The following THRAP3 variants were observed in gnomAD, a reference collection of about 807,000 sequenced individuals.
THRAP3 encodes thyroid hormone receptor-associated protein 3.
THRAP3 carries 16 observed loss-of-function variants against 101.0 expected under a neutral mutation model. The ratio of observed to expected loss-of-function variants is 0.16; its 90% confidence interval spans 0.11 to 0.24. THRAP3 has a LOEUF of 0.24. THRAP3 is among the 10% of genes least tolerant of loss of function. The pLI is 1.00. For missense variants in THRAP3, 989 were observed against 1,202.7 expected (o/e 0.82, Z 2.63); for synonymous variants, 407 against 422.6 (o/e 0.96, Z 0.45).
intron 1 of THRAP3, among the ~76,000 whole-genome samples, chr1:36,254,787 TAAAA>T (rs921995359): frequency 2.0e-5 from 3 of 151,974 alleles, no homozygotes; most frequent in Non-Finnish European, 2.9e-5. Context: ...ATTTTTTTGA[TAAAA>T]AAAAATTTTT....
In THRAP3 at chr1:36,304,299, G is replaced by A. The variant is rs1646068440; in HGVS notation, c.*282G>A. 6.4e-6 allele frequency: 2 copies of A among 311,576 alleles called. No homozygotes were observed. Among genetic ancestry groups the A allele is most frequent in the African/African-American group, 4.2e-5 (2 of 47,138 alleles). 19.3% of individuals were successfully genotyped at this position (311,576 alleles called of 1,614,324 possible). A position where few individuals can be genotyped will look rare whatever the true frequency, so the allele number is the denominator to read the frequency against. On this transcript the variant is annotated 3_prime_UTR_variant, in exon 12 of 12. Coordinates refer to ENST00000354618, the MANE Select transcript of THRAP3 (RefSeq NM_005119.4). ...TTTGTTGGTGTGTGGGGTGGGGGCA[G>A]GGGTAGGGCGGGAGAGCGATGCTTG...
At chr1:36,238,995 G>A (rs1295726843) in intron 1 of THRAP3, among the ~76,000 whole-genome samples, 2 of 149,064 alleles carry the variant, frequency 1.3e-5, no homozygotes, top group South Asian at 2.1e-4. Context: ...GTGCAGTGGC[G>A]CGATCTCGGC....
chr1:36,296,774 C>T lies in THRAP3; in HGVS notation c.2303+4C>T, dbSNP rs780738760. On this transcript the variant is annotated splice_donor_region_variant and intron_variant, in intron 9 of 11. Transcript: ENST00000354618. ...ATAAAGGATCAAAGAAACAGAAGTA[C>T]GTAAGCCCCTGTTACCCCTTCCAGA... 29 of 1,581,182 alleles carry T rather than the reference C, an allele frequency of 1.8e-5. No homozygotes were observed. Among genetic ancestry groups the T allele is most frequent in the Non-Finnish European group, 2.1e-5 (24 of 1,168,988 alleles).
At chr1:36,274,124 A>G (rs1645626660) in intron 2 of THRAP3, among the ~76,000 whole-genome samples, 1 of 151,726 alleles carries the variant, frequency 6.6e-6, no homozygotes, top group African/African-American at 2.4e-5. Flanking sequence ...AATGAGCTGT[A>G]TTTCTATACA....
intron 2 of THRAP3, among the ~76,000 whole-genome samples, chr1:36,260,160 TC>T (rs1205612573): frequency 6.6e-6 from 1 of 152,066 alleles, no homozygotes; most frequent in Non-Finnish European, 1.5e-5. Context: ...GAGAATCACT[TC>T]AATGCAGAAG....
At chr1:36,223,017 C>T (rs1644914600), upstream of THRAP3, among the ~76,000 whole-genome samples, 1 of 152,078 alleles carries the variant, frequency 6.6e-6, no homozygotes, top group South Asian at 2.1e-4. Context: ...AAATCAGCTA[C>T]TCAGGAGGCT....
intron 1 of THRAP3, among the ~76,000 whole-genome samples, chr1:36,230,750 C>T (rs1645019133): frequency 1.3e-5 from 2 of 152,098 alleles, no homozygotes; most frequent in South Asian, 4.1e-4. Context: ...CAACCTCTGC[C>T]TAAAAAGTTT....
At position 36,304,023 on chromosome 1, in the gene THRAP3, A is replaced by C. The variant is rs2124656755; in HGVS notation, c.*6A>C. The C allele has an allele frequency of 2.0e-6, 3 of 1,508,560 alleles. No homozygotes were observed. Among genetic ancestry groups the C allele is most frequent in the Non-Finnish European group, 1.8e-6 (2 of 1,128,102 alleles). The allele number at this position is 1,508,560 out of a possible 1,614,324, so 93.4% of individuals were successfully genotyped here. A position where few individuals can be genotyped will look rare whatever the true frequency, so the allele number is the denominator to read the frequency against. On this transcript the variant is annotated 3_prime_UTR_variant, in exon 12 of 12. Coordinates refer to ENST00000354618, the MANE Select transcript of THRAP3 (RefSeq NM_005119.4). ...TACAGCCCACAACCGAGTAGGGGCC[A>C]CCCTTGACGGGATTCCTGCCCAGGG...
chr1:36,235,092 G>A (rs1645070365), intron 1 of THRAP3, among the ~76,000 whole-genome samples: 1 of 152,170 alleles, frequency 6.6e-6, no homozygotes, highest in African/African-American at 2.4e-5. Context: ...GGGATTACAG[G>A]CGTGAGGCAC....
chr1:36,268,265 A>G (rs1158153206), intron 2 of THRAP3, among the ~76,000 whole-genome samples: 1 of 150,652 alleles, frequency 6.6e-6, no homozygotes, highest in East Asian at 1.9e-4. Flanking sequence ...TTTTCTGTGC[A>G]GTTTAGTATG....
At position 36,289,415 on chromosome 1, in the gene THRAP3, G is replaced by A. The variant is rs777647844; in HGVS notation, c.1396G>A (p.Glu466Lys). ...VIGANKNQEE[E>K]KSGKWEGLVY... is the part of the protein sequence containing the mutation. ...AGGTGCAAACAAAAACCAGGAGGAG[G>A]AGAAGTCAGGCAAATGGGAGGGCCT... Residue 466 changes from glutamate to lysine, a missense_variant, in exon 5 of 12, where the codon GAG becomes AAG. Glu to Lys is a moderately conservative substitution (Grantham distance 56). Transcript: ENST00000354618. 5.0e-6 allele frequency: 8 copies of A among 1,614,194 alleles called. No individual in the cohort carries two copies. The Admixed American group carries it at 1.3e-4, about 27-fold the overall frequency.
the THRAP3 span, among the ~76,000 whole-genome samples, chr1:36,213,720 G>T: frequency 5.3e-5 from 8 of 151,634 alleles, no homozygotes; most frequent in African/African-American, 1.7e-4. Context: ...GGTGGCGTGC[G>T]CCTGTAATCC....
intron 1 of THRAP3, among the ~76,000 whole-genome samples, chr1:36,230,582 G>A (rs1645017589): frequency 6.6e-6 from 1 of 152,184 alleles, no homozygotes; most frequent in Admixed American, 6.5e-5. Context: ...AGCATTTTAA[G>A]TGTGCTTTCC....
In THRAP3 at chr1:36,274,766, G is replaced by A. The variant is rs367581216; in HGVS notation, c.-31-7767G>A. 4.6e-3 allele frequency among the ~76,000 whole-genome samples: 695 copies of A among 151,052 alleles called. 4 individuals carry two copies. The highest frequency in any genetic ancestry group is 0.016 in the African/African-American group (641 of 41,272). ...TCCTACTTCAGCCTCCTGAGTAGCT[G>A]GGATTATAGGCACGCGCCATCACGC... is the stretch of plus-strand genomic sequence containing the variant. On this transcript the variant is annotated intron_variant, in intron 2 of 11. Transcript: ENST00000354618.
intron 2 of THRAP3, among the ~76,000 whole-genome samples, chr1:36,276,295 C>T (rs1645659431): frequency 6.7e-6 from 1 of 148,796 alleles, no homozygotes; most frequent in Non-Finnish European, 1.5e-5. Flanking sequence ...GGAGGCCAGG[C>T]AGGCGGGTCA....
rs200958940 is a variant in THRAP3 at position 36,295,237 on chromosome 1, G to A, written c.2115+1302G>A. Among the ~76,000 whole-genome samples the A allele has an allele frequency of 6.0e-3, 703 of 116,700 alleles. 2 individuals carry two copies. Among genetic ancestry groups the A allele is most frequent in the African/African-American group, 0.014 (435 of 31,342 alleles). The allele number at this position is 116,700 out of a possible 152,430, so 76.6% of individuals were successfully genotyped here. On this transcript the variant is annotated intron_variant, in intron 8 of 11. Transcript: ENST00000354618. ...AAACTCTGTCTCAAAAAAAAAAAAG[G>A]AAAAAAAAAAAAAAGAATAAACCTA...
At chr1:36,233,617 A>G (rs1645053492) in intron 1 of THRAP3, among the ~76,000 whole-genome samples, 1 of 151,360 alleles carries the variant, frequency 6.6e-6, no homozygotes, top group African/African-American at 2.4e-5. Context: ...AAAATAAAAA[A>G]TTAGCCGGTG....
chr1:36,294,275 T>TTTTC, intron 8 of THRAP3: 1 of 1,004,040 alleles, frequency 1.0e-6, no homozygotes. Context: ...ATACATGCAC[T>TTTTC]ATTTCCAACC....
chr1:36,212,418 C>CTTTTTTTTTTTT, the THRAP3 span, among the ~76,000 whole-genome samples: 8 of 122,028 alleles, frequency 6.6e-5, no homozygotes, highest in African/African-American at 2.0e-4. Flanking sequence ...TTCTTTCTTT[C>CTTTTTTTTTTTT]TTTTTTTTTT....
Sources: allele counts gnomAD v4.1 joint callset (sites outside exome capture counted in the v4.1 genomes callset), GRCh38; gene constraint gnomAD v4.1.1; transcripts MANE v1.5; gene names NCBI Gene and HGNC (gene_info 2026-07-23, HGNC 2026-07-21).